The following FAF1 variants were observed in gnomAD, a reference collection of about 807,000 sequenced individuals.
FAF1 encodes the protein Fas associated factor 1, also known as FAS-associated factor 1.
In FAF1, 25 loss-of-function variants were observed where a neutral mutation model predicts 92.5. The observed-to-expected ratio is 0.27, with a 90% CI of 0.20 to 0.38. FAF1 has a LOEUF of 0.38. Among genes scored for constraint, FAF1 ranks in the 10% least tolerant of loss-of-function variants. FAF1 has a pLI of 1.00. For missense variants in FAF1, 636 were observed against 793.3 expected, an observed-to-expected ratio of 0.80 and a Z score of 2.38; for synonymous variants, 234 against 273.2, an observed-to-expected ratio of 0.86 and a Z score of 1.42.
chr1:50,780,026 G>A (rs1661112635), intron 4 of FAF1, among the ~76,000 whole-genome samples: 2 of 134,404 alleles, frequency 1.5e-5, no homozygotes, highest in South Asian at 2.3e-4. Flanking sequence ...ACACACAGAG[G>A]AAGTAAAAGA....
chr1:50,571,960 T>C (rs746902146), intron 12 of FAF1, among the ~76,000 whole-genome samples: 3 of 152,192 alleles, frequency 2.0e-5, no homozygotes, highest in Non-Finnish European at 2.9e-5. Context: ...ATATGACAAT[T>C]TCTGGGAATG....
intron 3 of FAF1, 21 bp from the exon 4 acceptor site, chr1:50,788,226 A>G (rs768597047): frequency 1.9e-6 from 3 of 1,593,878 alleles, no homozygotes; most frequent in Middle Eastern, 1.7e-4. Context: ...GACATAAAAG[A>G]AGGATTATTG....
At chr1:50,762,073 T>A (rs1259839257) in intron 4 of FAF1, among the ~76,000 whole-genome samples, 1 of 152,076 alleles carries the variant, frequency 6.6e-6, no homozygotes, top group South Asian at 2.1e-4. Context: ...AAATCATGAG[T>A]GAACTCCCAT....
At chr1:50,875,818 C>T (rs1296899291) in intron 1 of FAF1, among the ~76,000 whole-genome samples, 1 of 152,156 alleles carries the variant, frequency 6.6e-6, no homozygotes, top group Non-Finnish European at 1.5e-5. Flanking sequence ...ACTTACCCCC[C>T]TAACTGAAAT....
rs371182282 is a variant in FAF1, at chr1:50,934,444, C to T, written c.45+25323G>A. On this transcript the variant is annotated intron_variant, in intron 1 of 18. Coordinates refer to ENST00000396153, the MANE Select transcript of FAF1 (RefSeq NM_007051.3). ...TTTGATCATATAACACTGTCTTGGC[C>T]AGGTATGGTGGCTCATGCCTATAAT... is the stretch of plus-strand genomic sequence containing the variant. Among the ~76,000 whole-genome samples the T allele has an allele frequency of 2.6e-4, 40 of 152,230 alleles. No individual in the cohort carries two copies. In the South Asian group the frequency reaches 4.4e-3, roughly 17 times the overall value.
chr1:50,530,745 A>T (rs914201196), intron 15 of FAF1, among the ~76,000 whole-genome samples: 1 of 152,182 alleles, frequency 6.6e-6, no homozygotes, highest in South Asian at 2.1e-4. Flanking sequence ...CATTTCATGT[A>T]CTCCATAAAC....
chr1:50,641,742 T>C (rs570701621), intron 8 of FAF1, among the ~76,000 whole-genome samples: 31 of 152,374 alleles, frequency 2.0e-4, no homozygotes, highest in African/African-American at 6.7e-4. Context: ...CCTATCATTT[T>C]TCTGTAAACC....
At chr1:50,831,044 A>C (rs1644147964) in intron 2 of FAF1, among the ~76,000 whole-genome samples, 1 of 152,230 alleles carries the variant, frequency 6.6e-6, no homozygotes, top group Non-Finnish European at 1.5e-5. Context: ...AAAATCACAA[A>C]AACAACAAAG....
At chr1:50,938,222 CTACAG>C (rs1359862764) in intron 1 of FAF1, among the ~76,000 whole-genome samples, 3 of 152,200 alleles carry the variant, frequency 2.0e-5, no homozygotes, top group Non-Finnish European at 4.4e-5. Context: ...AGCCAGGACT[CTACAG>C]TTTCACACAT....
intron 1 of FAF1, among the ~76,000 whole-genome samples, chr1:50,959,463 A>G (rs974373568): frequency 4.6e-5 from 7 of 152,126 alleles, no homozygotes; most frequent in Non-Finnish European, 1.0e-4. Context: ...CAATTAAAAC[A>G]AAAACTCTAC....
At chr1:50,721,124 C>G (rs1257375978) in intron 6 of FAF1, among the ~76,000 whole-genome samples, 2 of 152,074 alleles carry the variant, frequency 1.3e-5, no homozygotes, top group African/African-American at 2.4e-5. Context: ...CCTACAATAT[C>G]ATTCATGAAA....
In FAF1 at chr1:50,738,938, A is replaced by G. The variant is rs1659250721; in HGVS notation, c.476T>C (p.Leu159Pro). The G allele has an allele frequency of 6.2e-7, 1 of 1,603,666 alleles. No homozygotes were observed. The highest frequency in any genetic ancestry group is 8.5e-7 in the Non-Finnish European group (1 of 1,173,658). ...DVEDSTVLKS[L>P]HLPKNNSLYV... ...AAGACTGTTGTTTTTTGGCAAGTGTAGAGATTTTAGGACCGTCTGAAAAAG... is the reference window on the plus strand; with the variant it reads ...AAGACTGTTGTTTTTTGGCAAGTGTGGAGATTTTAGGACCGTCTGAAAAAG... Residue 159 changes from leucine (L) to proline (P), a missense_variant, in exon 6 of 19, where the codon CTA (leucine) becomes CCA (proline). Leu to Pro is a moderately conservative substitution (Grantham distance 98). Coordinates refer to ENST00000396153, the MANE Select transcript of FAF1 (RefSeq NM_007051.3).
At chr1:50,461,966 T>C (rs1646436741) in intron 18 of FAF1, among the ~76,000 whole-genome samples, 1 of 148,234 alleles carries the variant, frequency 6.7e-6, no homozygotes, top group Admixed American at 6.8e-5. Context: ...CCAGCTATAC[T>C]ATTAGATTCT....
intron 1 of FAF1, among the ~76,000 whole-genome samples, chr1:50,930,452 G>T (rs1645038832): frequency 6.6e-6 from 1 of 152,170 alleles, no homozygotes; most frequent in Non-Finnish European, 1.5e-5. Context: ...CTAGCCCTGT[G>T]ACTTTAGTTA....
intron 1 of FAF1, among the ~76,000 whole-genome samples, chr1:50,886,542 C>A (rs544022973): frequency 6.6e-6 from 1 of 152,134 alleles, no homozygotes; most frequent in African/African-American, 2.4e-5. Context: ...CCCCACCCCA[C>A]AACAGGCCCC....
At chr1:50,767,565 A>T (rs1660621383) in intron 4 of FAF1, among the ~76,000 whole-genome samples, 1 of 152,210 alleles carries the variant, frequency 6.6e-6, no homozygotes, top group South Asian at 2.1e-4. Context: ...GCTGGAGAAA[A>T]GGGACAGGTA....
At chr1:50,852,584 A>G (rs1644359896) in intron 2 of FAF1, among the ~76,000 whole-genome samples, 1 of 152,192 alleles carries the variant, frequency 6.6e-6, no homozygotes, top group Non-Finnish European at 1.5e-5. Context: ...AGAAAAGCAT[A>G]CTAGGTAGGG....
At chr1:50,686,473 TG>T (rs963447956) in intron 7 of FAF1, among the ~76,000 whole-genome samples, 14 of 150,256 alleles carry the variant, frequency 9.3e-5, no homozygotes, top group African/African-American at 3.4e-4. Context: ...ACCTGGGAGG[TG>T]GAAGTTGCCG....
At chr1:50,837,264 T>G (rs1644215846) in intron 2 of FAF1, among the ~76,000 whole-genome samples, 1 of 152,122 alleles carries the variant, frequency 6.6e-6, no homozygotes, top group African/African-American at 2.4e-5. Flanking sequence ...CCATATGTTA[T>G]GTTTCTTGTT....
Sources: allele counts gnomAD v4.1 joint callset (sites outside exome capture counted in the v4.1 genomes callset), GRCh38; gene constraint gnomAD v4.1.1; transcripts MANE v1.5; gene names NCBI Gene and HGNC (gene_info 2026-07-23, HGNC 2026-07-21).